The following SPATA13 variants were observed in gnomAD, a reference collection of about 807,000 sequenced individuals.
SPATA13 encodes spermatogenesis associated 13, also known as spermatogenesis-associated protein 13.
A neutral mutation model predicts 104.0 loss-of-function variants in SPATA13; 50 were observed. The observed-to-expected ratio is 0.48, with a 90% CI of 0.38 to 0.61. The LOEUF (loss-of-function observed/expected upper bound fraction) is 0.61, where lower values mean the gene tolerates loss of function less well. Among genes scored for constraint, SPATA13 ranks in the 20% least tolerant of loss-of-function variants. The probability of loss-of-function intolerance (pLI) is 0.00; values close to 1 mark genes in which losing one functional copy is unlikely to be tolerated. For synonymous variants in SPATA13, 606 were observed against 667.5 expected (o/e 0.91, Z 1.42); for missense variants, 1,524 against 1,690.6 (o/e 0.90, Z 1.73).
At chr13:24,300,092 G>T (rs1370156038) in intron 11 of SPATA13, among the ~76,000 whole-genome samples, 1 of 152,128 alleles carries the variant, frequency 6.6e-6, no homozygotes, top group Non-Finnish European at 1.5e-5. Flanking sequence ...TTATAATTGG[G>T]ATGACCCTGT....
At chr13:24,038,685 C>G (rs1010631337) in intron 3 of SPATA13, among the ~76,000 whole-genome samples, 1 of 152,046 alleles carries the variant, frequency 6.6e-6, no homozygotes, top group Non-Finnish European at 1.5e-5. Context: ...GTGAGTTGGC[C>G]CCTCGCATCC....
rs1555261733 is a variant in SPATA13, at chr13:24,103,504, A to AG, written c.-112+85803_-112+85804insG. ...TGTCTCAAAAAAAAAAAAAAAAAAC[A>AG]AGAAAGAAAAGAGCAGGGGAGGAGA... On this transcript the variant is annotated intron_variant, in intron 3 of 14. Transcript: ENST00000424834. 8.7e-5 allele frequency among the ~76,000 whole-genome samples: 10 copies of AG among 115,580 alleles called. 1 individual carries two copies. In the South Asian group the frequency reaches 1.9e-3, roughly 22 times the overall value. 75.8% of individuals were successfully genotyped at this position (115,580 alleles called of 152,430 possible).
intron 3 of SPATA13, among the ~76,000 whole-genome samples, chr13:24,021,023 A>T (rs1474994481): frequency 5.3e-5 from 8 of 152,254 alleles, no homozygotes; most frequent in Non-Finnish European, 8.8e-5. Context: ...CCTGTGTGAC[A>T]GATTGAGACT....
Position 24,229,207 on chromosome 13 carries a change from A to G in SPATA13, c.1653+4625A>G, listed in dbSNP as rs2138622983. ...ACAAGGAGAAACCCCCTCTTTAGTG[A>G]GTGGAAACTCAGGCAGCAGAGTCAG... On this transcript the variant is annotated intron_variant, in intron 2 of 12. Coordinates refer to ENST00000382108, the MANE Select transcript of SPATA13 (RefSeq NM_001166271.3). Among the ~76,000 whole-genome samples, 2 of 152,310 alleles carry G rather than the reference A, an allele frequency of 1.3e-5. 1 individual carries two copies. Among genetic ancestry groups the G allele is most frequent in the African/African-American group, 4.8e-5 (2 of 41,562 alleles).
At chr13:24,266,781 G>A (rs1248279029) in intron 4 of SPATA13, among the ~76,000 whole-genome samples, 1 of 151,460 alleles carries the variant, frequency 6.6e-6, no homozygotes, top group Non-Finnish European at 1.5e-5. Flanking sequence ...TTTGGGGGTT[G>A]GATTTTTCTT....
rs138310889 is a variant in SPATA13 at position 24,107,948 on chromosome 13, C to T, written c.-112+90247C>T. 6.9e-3 allele frequency among the ~76,000 whole-genome samples: 1,047 copies of T among 152,320 alleles called. 7 individuals are homozygous for T. The highest frequency in any genetic ancestry group is 0.011 in the Non-Finnish European group (741 of 68,034). On this transcript the variant is annotated intron_variant, in intron 3 of 14. Coordinates refer to the SPATA13 transcript ENST00000424834. The stretch of plus-strand genomic sequence containing the variant: ...TTCTTATCTTAGTCCATTTGTGCTG[C>T]TATAGTACGATATCACAAACTGGGT...
chr13:24,195,846 T>A (rs1232316037), intron 1 of SPATA13, among the ~76,000 whole-genome samples: 1 of 152,086 alleles, frequency 6.6e-6, no homozygotes, highest in African/African-American at 2.4e-5. Flanking sequence ...ACTAGAAAGG[T>A]TTAAGGGGGA....
intron 2 of SPATA13, among the ~76,000 whole-genome samples, chr13:23,990,870 G>A (rs964253751): frequency 6.6e-6 from 1 of 152,230 alleles, no homozygotes; most frequent in African/African-American, 2.4e-5. Context: ...CCAGTGGCTT[G>A]TGATAGTATC....
intron 3 of SPATA13, among the ~76,000 whole-genome samples, chr13:24,053,627 A>C (rs1212984071): frequency 6.6e-6 from 1 of 151,876 alleles, no homozygotes; most frequent in Non-Finnish European, 1.5e-5. Flanking sequence ...TCCCAGGAGC[A>C]CCCACTTTGG....
intron 1 of SPATA13, among the ~76,000 whole-genome samples, chr13:24,195,072 G>T (rs1232661115): frequency 6.6e-6 from 1 of 152,062 alleles, no homozygotes. Flanking sequence ...TTAGCACCCC[G>T]CAAAGAAACC....
chr13:24,158,654 C>T (rs975396090), upstream of SPATA13, among the ~76,000 whole-genome samples: 6 of 152,108 alleles, frequency 3.9e-5, no homozygotes, highest in Non-Finnish European at 8.8e-5. Context: ...TTCACTGAAA[C>T]CCTGAAAAAA....
At position 24,193,381 on chromosome 13, in the gene SPATA13, C is replaced by T. The variant is rs184566332; in HGVS notation, c.-111-29438C>T. 7.9e-5 allele frequency among the ~76,000 whole-genome samples: 12 copies of T among 152,232 alleles called. 1 individual carries two copies. In the East Asian group the frequency reaches 1.5e-3, roughly 20 times the overall value. ...AGAACGGAGGCATTGTTGACACAGG[C>T]GGTGGCCATGTTGTTTGTACTGGGG... On this transcript the variant is annotated intron_variant, in intron 1 of 12. Transcript: ENST00000382108.
At chr13:24,247,759 G>A (rs984359439) in intron 2 of SPATA13, among the ~76,000 whole-genome samples, 5 of 151,974 alleles carry the variant, frequency 3.3e-5, no homozygotes, top group African/African-American at 7.2e-5. Flanking sequence ...CTGGGATTAC[G>A]GACGTGAGCC....
intron 1 of SPATA13, among the ~76,000 whole-genome samples, chr13:24,200,873 C>T (rs1923907): frequency 0.67 from 102,037 of 151,780 alleles, 35,212 homozygotes; most frequent in East Asian, 0.91. Context: ...CACAGTTTCA[C>T]GTAATAGTCA....
At chr13:24,087,280 A>G (rs1879756955) in intron 3 of SPATA13, among the ~76,000 whole-genome samples, 1 of 152,110 alleles carries the variant, frequency 6.6e-6, no homozygotes, top group African/African-American at 2.4e-5. Context: ...TGAGTTCCTG[A>G]GCAAAGCCTG....
At chr13:24,278,983 TCCCTCC>T in intron 4 of SPATA13, among the ~76,000 whole-genome samples, 1 of 104,622 alleles carries the variant, frequency 9.6e-6, no homozygotes, top group Non-Finnish European at 2.0e-5. Flanking sequence ...CCTCCCTCCC[TCCCTCC>T]CTCCCTTCCT....
At chr13:24,204,419 T>A (rs574899655) in intron 1 of SPATA13, among the ~76,000 whole-genome samples, 12 of 152,276 alleles carry the variant, frequency 7.9e-5, no homozygotes, top group South Asian at 2.1e-4. Flanking sequence ...GCTTTTTTTT[T>A]AAATTTTAGT....
At chr13:24,170,425 T>C (rs1026599686) in intron 1 of SPATA13, among the ~76,000 whole-genome samples, 54 of 152,218 alleles carry the variant, frequency 3.5e-4, no homozygotes, top group African/African-American at 1.2e-3. Flanking sequence ...TTTTTGTGGG[T>C]GGACACTACT....
At chr13:24,072,808 G>A (rs1214146572) in intron 3 of SPATA13, among the ~76,000 whole-genome samples, 1 of 138,282 alleles carries the variant, frequency 7.2e-6, no homozygotes, top group Non-Finnish European at 1.5e-5. Flanking sequence ...CTCCTCCTCA[G>A]TGTCTACTGT....
Sources: allele counts gnomAD v4.1 joint callset (sites outside exome capture counted in the v4.1 genomes callset), GRCh38; gene constraint gnomAD v4.1.1; transcripts MANE v1.5; gene names NCBI Gene and HGNC (gene_info 2026-07-23, HGNC 2026-07-21).